Variants in HIF1A observed in about 807,000 individuals in gnomAD.
HIF1A encodes hypoxia-inducible factor 1-alpha.
Under a neutral mutation model 92.7 loss-of-function variants are expected in HIF1A, and 24 were observed. The observed-to-expected ratio is 0.26, with a 90% confidence interval of 0.19 to 0.36. The LOEUF (loss-of-function observed/expected upper bound fraction) is 0.36, where lower values mean the gene tolerates loss of function less well. HIF1A is among the 10% of genes least tolerant of loss of function. The probability of loss-of-function intolerance (pLI) is 1.00; values close to 1 mark genes in which losing one functional copy is unlikely to be tolerated. For missense variants in HIF1A, 799 were observed against 998.5 expected (o/e 0.80, Z 2.69); for synonymous variants, 319 against 338.7 (o/e 0.94, Z 0.64).
chr14:61,734,394 TTC>T, intron 8 of HIF1A, 109 bp downstream of exon 8: 1 of 721,826 alleles, frequency 1.4e-6, no homozygotes. Flanking sequence ...TAAATTTTAA[TTC>T]TTTTACATCG....
chr14:61,711,207 C>CTTTTTTTTTTTTTTTTTTTTTT (rs10615564), intron 1 of HIF1A, among the ~76,000 whole-genome samples: 3 of 86,124 alleles, frequency 3.5e-5, no homozygotes, highest in African/African-American at 1.3e-4. Context: ...TTAAGTATTC[C>CTTTTTTTTTTTTTTTTTTTTTT]TTTTTTTTTT....
intron 1 of HIF1A, among the ~76,000 whole-genome samples, chr14:61,716,786 T>TA (rs1330338127): frequency 1.3e-5 from 2 of 152,196 alleles, no homozygotes; most frequent in African/African-American, 4.8e-5. Context: ...AATTTCAAGA[T>TA]ATAATTGTTA....
chr14:61,710,114 A>T (rs113353451), intron 1 of HIF1A, among the ~76,000 whole-genome samples: 1 of 152,040 alleles, frequency 6.6e-6, no homozygotes, highest in Admixed American at 6.6e-5. Context: ...GTGGAATCAT[A>T]CTCAATTTTT....
chr14:61,695,797 G>T lies in HIF1A; in HGVS notation c.-8G>T. 6.3e-7 allele frequency: 1 copy of T among 1,596,568 alleles called. No homozygotes were observed. The highest frequency in any genetic ancestry group is 8.5e-7 in the Non-Finnish European group (1 of 1,173,212). ...CCGCCGTGAAGACATCGCGGGGACC[G>T]ATTCACCATGGAGGGCGCCGGCGGC... On this transcript the variant is annotated 5_prime_UTR_variant, in exon 1 of 15. Coordinates refer to ENST00000337138, the MANE Select transcript of HIF1A (RefSeq NM_001530.4).
chr14:61,707,969 T>C (rs1405560782), intron 1 of HIF1A, among the ~76,000 whole-genome samples: 2 of 151,878 alleles, frequency 1.3e-5, no homozygotes, highest in African/African-American at 4.8e-5. Flanking sequence ...CCAGCACCTG[T>C]TGTTTCCTGA....
chr14:61,733,237 C>A (rs2301110), intron 7 of HIF1A, among the ~76,000 whole-genome samples: 119,131 of 152,138 alleles, frequency 0.78, 47,259 homozygotes, highest in Non-Finnish European at 0.83. Context: ...AAGCATGTAC[C>A]ACCATGCCTG....
chr14:61,697,161 G>A (rs944181738), intron 1 of HIF1A, among the ~76,000 whole-genome samples: 1 of 152,166 alleles, frequency 6.6e-6, no homozygotes, highest in Non-Finnish European at 1.5e-5. Flanking sequence ...TATTCCTGCT[G>A]TTTTGTAGAT....
chr14:61,727,858 C>G (rs1244316790), intron 6 of HIF1A, among the ~76,000 whole-genome samples: 1 of 151,836 alleles, frequency 6.6e-6, no homozygotes, highest in Non-Finnish European at 1.5e-5. Flanking sequence ...GGTGAAACCC[C>G]ATCTCTACTA....
chr14:61,726,966 G>C, intron 5 of HIF1A, 148 bp downstream of exon 5: 1 of 530,210 alleles, frequency 1.9e-6, no homozygotes, highest in South Asian at 3.0e-5. Context: ...ATTTGCATGT[G>C]ATCTCCAAAA....
chr14:61,744,812 T>C lies in HIF1A; in HGVS notation c.2201T>C (p.Ile734Thr), dbSNP rs759533894. The change falls in exon 13 of 15, where the codon ATT becomes ACT. Residue 734 changes from isoleucine to threonine, a missense_variant and splice_region_variant. Transcript: ENST00000337138. ...HDGSLFQAVG[I>T]GTLLQQPDDH... ...GGTTCACTTTTTCAAGCAGTAGGAATTGTAAGTATGAGTAGTAGGTTTTGC... is the reference window on the plus strand; with the variant it reads ...GGTTCACTTTTTCAAGCAGTAGGAACTGTAAGTATGAGTAGTAGGTTTTGC... 4.0e-6 allele frequency: 6 copies of C among 1,496,386 alleles called. No individual in the cohort carries two copies. Among genetic ancestry groups the C allele is most frequent in the Middle Eastern group, 2.3e-4 (1 of 4,422 alleles). 92.7% of individuals were successfully genotyped at this position (1,496,386 alleles called of 1,614,324 possible).
rs757601767 is a variant in HIF1A at position 61,741,107 on chromosome 14, G to A, written c.2012G>A (p.Arg671Lys). The A allele has an allele frequency of 1.5e-5, 24 of 1,614,084 alleles. No homozygotes were observed. Among genetic ancestry groups the A allele is most frequent in the Non-Finnish European group, 2.0e-5 (24 of 1,179,944 alleles). Residue 671 changes from arginine to lysine, a missense_variant, in exon 12 of 15, where the codon AGA (arginine) becomes AAA (lysine). Arg to Lys is a conservative substitution (Grantham distance 26). Coordinates refer to ENST00000337138, the MANE Select transcript of HIF1A (RefSeq NM_001530.4). ...CAAAGTCGGACAGCCTCACCAAACAGAGCAGGAAAAGGAGTCATAGAACAG... is the reference window on the plus strand; with the variant it reads ...CAAAGTCGGACAGCCTCACCAAACAAAGCAGGAAAAGGAGTCATAGAACAG... ...DTQSRTASPN[R>K]AGKGVIEQTE...
At position 61,740,940 on chromosome 14, in the gene HIF1A, CACT is replaced by C; in HGVS notation, c.1848_1850del (p.Thr618del). On this transcript the variant is annotated inframe_deletion, in exon 12 of 15. Coordinates refer to ENST00000337138, the MANE Select transcript of HIF1A (RefSeq NM_001530.4). ...TACAAGAACCTACTGCTAATGCCAC[CACT>C]ACCACTGCCACCACTGATGAATTAA... 1.9e-6 allele frequency: 3 copies of C among 1,614,098 alleles called. No homozygotes were observed. In the South Asian group the frequency reaches 3.3e-5, roughly 18 times the overall value.
chr14:61,712,142 G>GTGA, intron 1 of HIF1A, among the ~76,000 whole-genome samples: 1 of 152,218 alleles, frequency 6.6e-6, no homozygotes, highest in East Asian at 1.9e-4. Flanking sequence ...GATGGAGGCA[G>GTGA]TGATCAGGGA....
intron 1 of HIF1A, among the ~76,000 whole-genome samples, chr14:61,699,833 T>G (rs1273589596): frequency 6.6e-6 from 1 of 152,202 alleles, no homozygotes; most frequent in Non-Finnish European, 1.5e-5. Context: ...CCAAGCTTCT[T>G]GTTGCTCAGT....
chr14:61,698,780 C>T (rs992487335), intron 1 of HIF1A: 3 of 152,212 alleles, frequency 2.0e-5, no homozygotes, highest in Non-Finnish European at 2.9e-5. Context: ...GATCTGCTCT[C>T]TACTCTAGTG....
chr14:61,737,846 G>A (rs544918379), intron 9 of HIF1A, among the ~76,000 whole-genome samples: 75 of 152,216 alleles, frequency 4.9e-4, no homozygotes, highest in Middle Eastern at 3.4e-3. Context: ...GGCCACCATG[G>A]TGAAACCCCG....
chr14:61,722,537 G>A (rs1190516848), intron 4 of HIF1A, among the ~76,000 whole-genome samples: 1 of 152,142 alleles, frequency 6.6e-6, no homozygotes, highest in African/African-American at 2.4e-5. Flanking sequence ...ACCTGGTGGA[G>A]TTAAAAATTA....
At chr14:61,731,822 A>G (rs2044579228) in intron 6 of HIF1A, among the ~76,000 whole-genome samples, 1 of 152,252 alleles carries the variant, frequency 6.6e-6, no homozygotes, top group South Asian at 2.1e-4. Flanking sequence ...AAAAGTATGT[A>G]TAATGAGATG....
intron 7 of HIF1A, 97 bp downstream of exon 7, chr14:61,732,621 C>A: frequency 2.7e-6 from 2 of 727,832 alleles, no homozygotes; most frequent in East Asian, 2.5e-5. Context: ...GTTAAAAGTT[C>A]TAGACTAAAT....
Sources: gnomAD v4.1 joint callset for allele counts (sites outside exome capture counted in the v4.1 genomes callset) on GRCh38, gnomAD v4.1.1 for gene constraint, MANE v1.5 for transcripts, NCBI Gene and HGNC (gene_info 2026-07-23, HGNC 2026-07-21) for gene names.